The following ARID1B variants were observed in gnomAD, a reference collection of about 807,000 sequenced individuals.
ARID1B encodes AT-rich interaction domain 1B, also known as AT-rich interactive domain-containing protein 1B.
A neutral mutation model predicts 212.3 loss-of-function variants in ARID1B; 30 were observed. That is an observed-to-expected ratio of 0.14 (90% CI 0.11 to 0.19). ARID1B has a LOEUF of 0.19. Among genes scored for constraint, ARID1B ranks in the 10% least tolerant of loss-of-function variants. The probability of loss-of-function intolerance (pLI) is 1.00; values close to 1 mark genes in which losing one functional copy is unlikely to be tolerated. For synonymous variants in ARID1B, 1,402 were observed against 1,301.7 expected, an observed-to-expected ratio of 1.08 and a Z score of -1.66; for missense variants, 2,891 against 3,204.0, an observed-to-expected ratio of 0.90 and a Z score of 2.36.
intron 4 of ARID1B, among the ~76,000 whole-genome samples, chr6:157,039,874 T>C (rs1274251791): frequency 2.5e-5 from 2 of 81,346 alleles, no homozygotes; most frequent in East Asian, 4.3e-4. Flanking sequence ...CTCTTTCTCT[T>C]TCTTTTCTCT....
At chr6:157,123,160 C>T (rs932887062) in intron 6 of ARID1B, among the ~76,000 whole-genome samples, 18 of 151,580 alleles carry the variant, frequency 1.2e-4, no homozygotes, top group African/African-American at 2.4e-4. Flanking sequence ...TTCAGATACT[C>T]GATGGGGATT....
chr6:156,898,329 G>A (rs908104860), intron 2 of ARID1B, among the ~76,000 whole-genome samples: 11 of 152,158 alleles, frequency 7.2e-5, no homozygotes, highest in Admixed American at 3.3e-4. Flanking sequence ...CTCACGCATC[G>A]GTCCTTTGGG....
At chr6:157,146,831 A>G (rs1018632611) in intron 7 of ARID1B, among the ~76,000 whole-genome samples, 1 of 152,204 alleles carries the variant, frequency 6.6e-6, no homozygotes, top group Non-Finnish European at 1.5e-5. Flanking sequence ...ACACTAATCC[A>G]TATTCCACAC....
intron 8 of ARID1B, among the ~76,000 whole-genome samples, chr6:157,154,441 C>T (rs962239145): frequency 3.3e-5 from 5 of 151,922 alleles, no homozygotes; most frequent in Non-Finnish European, 7.4e-5. Context: ...AGGTTTTAGA[C>T]GTTACCCAGC....
intron 3 of ARID1B, among the ~76,000 whole-genome samples, chr6:156,924,042 C>G (rs978982205): frequency 2.0e-5 from 3 of 152,204 alleles, no homozygotes; most frequent in Non-Finnish European, 2.9e-5. Flanking sequence ...TAGCTGACAT[C>G]TGTGAACATT....
chr6:156,920,306 G>A lies in ARID1B; in HGVS notation c.2137-15160G>A, dbSNP rs571895572. Among the ~76,000 whole-genome samples the A allele has an allele frequency of 1.1e-4, 17 of 152,322 alleles. No homozygotes were observed. The South Asian group carries it at 3.5e-3, about 32-fold the overall frequency. On this transcript the variant is annotated intron_variant, in intron 3 of 19. Transcript: ENST00000636930. ...GCAGTGTGCAGTTAAAAGTATCATC[G>A]AGGCTCATTATATATTCACTAATTC...
intron 4 of ARID1B, among the ~76,000 whole-genome samples, chr6:156,966,131 T>C (rs527349144): frequency 6.6e-6 from 1 of 152,274 alleles, no homozygotes; most frequent in East Asian, 1.9e-4. Flanking sequence ...AATTTATCAT[T>C]CAACAAGACA....
At chr6:156,897,224 T>G (rs866286397) in intron 2 of ARID1B, among the ~76,000 whole-genome samples, 4,008 of 67,796 alleles carry the variant, frequency 0.059, 88 homozygotes, top group African/African-American at 0.081. Context: ...TGCTGCTTCT[T>G]CTTCTTCTTC....
At chr6:157,161,434 T>TATAC (rs1289941332) in intron 8 of ARID1B, among the ~76,000 whole-genome samples, 4 of 116,052 alleles carry the variant, frequency 3.4e-5, no homozygotes, top group Non-Finnish European at 7.5e-5. Flanking sequence ...TGTGTGTGTA[T>TATAC]ATATATATAT....
intron 1 of ARID1B, among the ~76,000 whole-genome samples, chr6:156,814,783 A>G (rs1781846917): frequency 1.3e-5 from 2 of 152,166 alleles, no homozygotes. Context: ...AGGATGTTGT[A>G]GGCAATGCCG....
intron 4 of ARID1B, among the ~76,000 whole-genome samples, chr6:157,013,446 A>T (rs982780625): frequency 2.2e-4 from 34 of 152,240 alleles, no homozygotes; most frequent in African/African-American, 8.2e-4. Flanking sequence ...CCTGAAGTTG[A>T]GACCTCAGTT....
At position 156,778,651 on chromosome 6, in the gene ARID1B, G is replaced by GCGGCGGCCC; in HGVS notation, c.980_988dup (p.Pro327_Gly329dup). 4 of 1,481,758 alleles carry GCGGCGGCCC rather than the reference G, an allele frequency of 2.7e-6. No homozygotes were observed. The highest frequency in any genetic ancestry group is 3.6e-6 in the Non-Finnish European group (4 of 1,112,604). The allele number at this position is 1,481,758 out of a possible 1,614,324, so 91.8% of individuals were successfully genotyped here. A position where few individuals can be genotyped will look rare whatever the true frequency, so the allele number is the denominator to read the frequency against. ...TACTATGGCAGCGCTGCCCCTGCGAGCGGCGGCCCCGGCGGCCGCGCTGGG... is the reference window on the plus strand; with the variant it reads ...TACTATGGCAGCGCTGCCCCTGCGAGCGGCGGCCCCGGCGGCCCCGGCGGCCGCGCTGGG... On this transcript the variant is annotated inframe_insertion, in exon 1 of 20. Coordinates refer to ENST00000636930, the MANE Select transcript of ARID1B (RefSeq NM_001374828.1).
intron 6 of ARID1B, among the ~76,000 whole-genome samples, chr6:157,128,647 T>A (rs998091465): frequency 1.3e-5 from 2 of 152,230 alleles, no homozygotes; most frequent in African/African-American, 4.8e-5. Context: ...GGGTGAGCCA[T>A]GCAGCAATTC....
At chr6:157,049,554 T>TAC (rs1782456028) in intron 4 of ARID1B, among the ~76,000 whole-genome samples, 1 of 152,208 alleles carries the variant, frequency 6.6e-6, no homozygotes, top group Non-Finnish European at 1.5e-5. Context: ...CATGTACATT[T>TAC]TTATAAGAAA....
At chr6:156,947,455 G>T (rs546161441) in intron 4 of ARID1B, among the ~76,000 whole-genome samples, 3 of 151,928 alleles carry the variant, frequency 2.0e-5, no homozygotes, top group African/African-American at 4.8e-5. Context: ...GATGTAGGGC[G>T]TGTGAGTATG....
intron 2 of ARID1B, among the ~76,000 whole-genome samples, chr6:156,875,006 AT>A (rs768576954): frequency 2.0e-5 from 3 of 152,214 alleles, no homozygotes; most frequent in Non-Finnish European, 4.4e-5. Flanking sequence ...TCAGGTAAAT[AT>A]TTGACTTTAG....
At chr6:157,006,424 G>A (rs1779254158) in intron 4 of ARID1B, among the ~76,000 whole-genome samples, 1 of 152,136 alleles carries the variant, frequency 6.6e-6, no homozygotes, top group African/African-American at 2.4e-5. Context: ...GTAGCATAAG[G>A]TTGAAATTAT....
intron 6 of ARID1B, among the ~76,000 whole-genome samples, chr6:157,124,301 G>A (rs1218070232): frequency 6.6e-6 from 1 of 152,240 alleles, no homozygotes; most frequent in East Asian, 1.9e-4. Flanking sequence ...CAGATACCTT[G>A]CTTGGGCAGA....
At chr6:156,884,718 C>G (rs1407066752) in intron 2 of ARID1B, among the ~76,000 whole-genome samples, 1 of 152,188 alleles carries the variant, frequency 6.6e-6, no homozygotes, top group Admixed American at 6.5e-5. Context: ...GAAAAAGGTT[C>G]TGAGATTCAG....
Sources: gnomAD v4.1 joint callset for allele counts (sites outside exome capture counted in the v4.1 genomes callset) on GRCh38, gnomAD v4.1.1 for gene constraint, MANE v1.5 for transcripts, NCBI Gene and HGNC (gene_info 2026-07-23, HGNC 2026-07-21) for gene names.